BMP6: variants seen among roughly 807,000 people sequenced by gnomAD.
BMP6 encodes VG-1-R.
BMP6 carries 17 observed loss-of-function variants against 54.1 expected under a neutral mutation model. The ratio of observed to expected loss-of-function variants is 0.31; its 90% confidence interval spans 0.22 to 0.47. BMP6 has a LOEUF of 0.47. Among genes scored for constraint, BMP6 ranks in the 20% least tolerant of loss-of-function variants. The probability of loss-of-function intolerance (pLI) is 1.00; values close to 1 mark genes in which losing one functional copy is unlikely to be tolerated. For missense variants in BMP6, 720 were observed against 690.4 expected (o/e 1.04, Z -0.48); for synonymous variants, 328 against 291.2 (o/e 1.13, Z -1.28).
chr6:7,873,694 G>A lies in BMP6; in HGVS notation c.1205-5380G>A, dbSNP rs79561562. On this transcript the variant is annotated intron_variant, in intron 4 of 6. Coordinates refer to ENST00000283147, the MANE Select transcript of BMP6 (RefSeq NM_001718.6). Reference sequence around the variant, plus strand: ...TCCTAGAGAGTGTGTGGGGTTCACCGTGTACAATCTAGGGCCTCAGGAGCA... The same window carrying A: ...TCCTAGAGAGTGTGTGGGGTTCACCATGTACAATCTAGGGCCTCAGGAGCA... 2.1e-3 allele frequency among the ~76,000 whole-genome samples: 327 copies of A among 152,106 alleles called. 9 individuals are homozygous for A. In the East Asian group the frequency reaches 0.051, roughly 24 times the overall value.
At chr6:7,823,325 G>A (rs955187396) in intron 1 of BMP6, among the ~76,000 whole-genome samples, 1 of 152,122 alleles carries the variant, frequency 6.6e-6, no homozygotes, top group African/African-American at 2.4e-5. Flanking sequence ...GCATTGGACA[G>A]CTCTTTGAGA....
chr6:7,754,545 G>A (rs1457022264), intron 1 of BMP6, among the ~76,000 whole-genome samples: 4 of 152,150 alleles, frequency 2.6e-5, no homozygotes. Flanking sequence ...TTGAAGCCCT[G>A]TTCCTGGGAA....
chr6:7,840,132 C>T (rs188157741), intron 1 of BMP6, among the ~76,000 whole-genome samples: 66 of 152,298 alleles, frequency 4.3e-4, no homozygotes, highest in African/African-American at 1.5e-3. Context: ...TTGCTCTTAA[C>T]CATAACCAGG....
Position 7,880,370 on chromosome 6 carries a change from ATTCT to A in BMP6, c.*28_*31del. ...TCGAAACCAGATGCTGGGGACACACATTCTGCCTTGGATTCCTAGATTACATCTG... is the reference window on the plus strand; with the variant it reads ...TCGAAACCAGATGCTGGGGACACACAGCCTTGGATTCCTAGATTACATCTG... On this transcript the variant is annotated 3_prime_UTR_variant, in exon 7 of 7. Coordinates refer to ENST00000283147, the MANE Select transcript of BMP6 (RefSeq NM_001718.6). The A allele has an allele frequency of 6.2e-7, 1 of 1,613,238 alleles. No individual in the cohort carries two copies.
chr6:7,727,611 T>C lies in BMP6; in HGVS notation c.656T>C (p.Val219Ala). The change falls in exon 1 of 7, where the codon GTG becomes GCG. Residue 219 changes from valine (V) to alanine (A), a missense_variant. This residue lies in a region of BMP6 where 650 missense variants were observed against 556.3 expected (regional missense o/e 1.17). Coordinates refer to ENST00000283147, the MANE Select transcript of BMP6 (RefSeq NM_001718.6). ...LNDADMVMSF[V>A]NLVEYDKEFS... is the part of the protein sequence containing the mutation. ...GACGCGGACATGGTCATGAGCTTTG[T>C]GAACCTGGGTAAGGATTTGGGGTAA... is the stretch of plus-strand genomic sequence containing the variant. The C allele has an allele frequency of 6.4e-7, 1 of 1,554,494 alleles. No homozygotes were observed.
chr6:7,853,818 G>A (rs536592006), intron 2 of BMP6, among the ~76,000 whole-genome samples: 3 of 152,082 alleles, frequency 2.0e-5, no homozygotes, highest in African/African-American at 7.2e-5. Flanking sequence ...GATAATACAA[G>A]TGACCCATGG....
intron 1 of BMP6, among the ~76,000 whole-genome samples, chr6:7,813,109 ATATATATATATATATATATATATAT>A (rs1758461966): frequency 6.4e-5 from 1 of 15,742 alleles, no homozygotes; most frequent in African/African-American, 2.3e-4. Context: ...AAAAAAAAAA[ATATATATATATATATATATATATAT>A]ATATATATAT....
At chr6:7,764,839 G>A (rs544167174) in intron 1 of BMP6, among the ~76,000 whole-genome samples, 1 of 152,296 alleles carries the variant, frequency 6.6e-6, no homozygotes, top group South Asian at 2.1e-4. Flanking sequence ...GATGCAGGAC[G>A]AGGCCCAAGG....
intron 1 of BMP6, among the ~76,000 whole-genome samples, chr6:7,734,218 GT>G (rs1761918849): frequency 1.3e-5 from 2 of 152,190 alleles, no homozygotes; most frequent in Admixed American, 1.3e-4. Context: ...CCCATTTGGG[GT>G]TTATTGGTTA....
intron 1 of BMP6, among the ~76,000 whole-genome samples, chr6:7,842,897 C>T (rs924019486): frequency 1.3e-5 from 2 of 152,190 alleles, no homozygotes; most frequent in African/African-American, 4.8e-5. Flanking sequence ...TGCTCTCCAG[C>T]GAATCTTAAA....
chr6:7,784,147 T>G (rs2113173012), intron 1 of BMP6, among the ~76,000 whole-genome samples: 1 of 152,338 alleles, frequency 6.6e-6, no homozygotes, highest in South Asian at 2.1e-4. Context: ...TTAGATGCAT[T>G]TATTTCTAGC....
intron 4 of BMP6, among the ~76,000 whole-genome samples, chr6:7,878,131 A>C (rs890709524): frequency 1.3e-5 from 2 of 151,814 alleles, no homozygotes; most frequent in Non-Finnish European, 2.9e-5. Flanking sequence ...CTCTGAAGGG[A>C]CATTTGCCTA....
At chr6:7,729,656 G>C (rs1374921919) in intron 1 of BMP6, among the ~76,000 whole-genome samples, 3 of 152,150 alleles carry the variant, frequency 2.0e-5, no homozygotes, top group African/African-American at 4.8e-5. Flanking sequence ...TGCTACCGTG[G>C]TCAGGAAACA....
intron 1 of BMP6, among the ~76,000 whole-genome samples, chr6:7,823,866 A>G (rs1758652474): frequency 6.6e-6 from 1 of 152,194 alleles, no homozygotes; most frequent in African/African-American, 2.4e-5. Context: ...TTTGTGCACC[A>G]CCCTAATGAT....
At chr6:7,776,777 A>G (rs1324031734) in intron 1 of BMP6, among the ~76,000 whole-genome samples, 1 of 152,150 alleles carries the variant, frequency 6.6e-6, no homozygotes, top group East Asian at 1.9e-4. Flanking sequence ...CAGTGCCCCA[A>G]CCAGCTGGGA....
At chr6:7,869,661 A>C (rs1212001361) in intron 4 of BMP6, among the ~76,000 whole-genome samples, 1 of 152,144 alleles carries the variant, frequency 6.6e-6, no homozygotes, top group Non-Finnish European at 1.5e-5. Flanking sequence ...CAGCCTTCCC[A>C]TTTGTTTTCT....
rs760605331 is a variant in BMP6, at chr6:7,879,105, C to T, written c.1236C>T (p.Cys412=). 1.9e-6 allele frequency: 3 copies of T among 1,614,202 alleles called. No individual in the cohort carries two copies. Among genetic ancestry groups the T allele is most frequent in the Middle Eastern group, 1.7e-4 (1 of 6,060 alleles). ...DYNSSELKTA[C]RKHELYVSFQ... Reference sequence around the variant, plus strand: ...ACAGCAGTGAATTGAAAACAGCCTGCAGGAAGCATGAGCTGTATGTGAGTT... The same window carrying T: ...ACAGCAGTGAATTGAAAACAGCCTGTAGGAAGCATGAGCTGTATGTGAGTT... Residue 412 remains cysteine, a synonymous_variant, in exon 5 of 7, where the codon TGC becomes TGT. Coordinates refer to ENST00000283147, the MANE Select transcript of BMP6 (RefSeq NM_001718.6).
intron 4 of BMP6, among the ~76,000 whole-genome samples, chr6:7,870,428 C>T (rs1044360442): frequency 6.6e-6 from 1 of 152,172 alleles, no homozygotes; most frequent in African/African-American, 2.4e-5. Context: ...ATGAAGGCAA[C>T]GTATTGGAAA....
intron 4 of BMP6, among the ~76,000 whole-genome samples, chr6:7,877,484 A>G (rs1038051897): frequency 5.9e-5 from 9 of 152,098 alleles, no homozygotes; most frequent in Admixed American, 2.6e-4. Flanking sequence ...TTAGCTGGGC[A>G]TGGTGGCTCG....
Sources: gnomAD v4.1 joint callset for allele counts (sites outside exome capture counted in the v4.1 genomes callset) on GRCh38, gnomAD v4.1.1 for gene constraint, gnomAD v4.1.1 regional missense constraint, MANE v1.5 for transcripts, NCBI Gene and HGNC (gene_info 2026-07-23, HGNC 2026-07-21) for gene names.